The following GLI2 variants were observed in gnomAD, a reference collection of about 807,000 sequenced individuals.
The protein encoded by GLI2 is GLI family zinc finger 2.
GLI2 carries 22 observed loss-of-function variants against 78.9 expected under a neutral mutation model. The observed-to-expected ratio is 0.28, with a 90% CI of 0.20 to 0.40. The LOEUF is 0.40. GLI2 is among the 10% of genes least tolerant of loss of function. The pLI is 1.00. For missense variants in GLI2, 2,097 were observed against 2,213.2 expected, an observed-to-expected ratio of 0.95 and a Z score of 1.05; for synonymous variants, 974 against 963.7, an observed-to-expected ratio of 1.01 and a Z score of -0.20.
At chr2:120,981,633 A>G (rs1487082991) in intron 10 of GLI2, among the ~76,000 whole-genome samples, 1 of 152,164 alleles carries the variant, frequency 6.6e-6, no homozygotes, top group Non-Finnish European at 1.5e-5. Context: ...ACTGGTCAGG[A>G]ATAAAGGGGA....
chr2:120,938,690 C>T (rs913684807), intron 3 of GLI2, among the ~76,000 whole-genome samples: 11 of 152,182 alleles, frequency 7.2e-5, no homozygotes, highest in East Asian at 1.9e-4. Context: ...ATATGGGATG[C>T]GTGTTTGCTG....
At chr2:120,786,860 C>G (rs1684012166) in intron 1 of GLI2, among the ~76,000 whole-genome samples, 1 of 152,176 alleles carries the variant, frequency 6.6e-6, no homozygotes, top group Non-Finnish European at 1.5e-5. Flanking sequence ...GTCTCAGGGT[C>G]TAGAAGCTGC....
intron 3 of GLI2, among the ~76,000 whole-genome samples, chr2:120,928,166 C>T (rs915441837): frequency 1.3e-5 from 2 of 152,300 alleles, no homozygotes; most frequent in East Asian, 1.9e-4. Flanking sequence ...CACTGCTCCC[C>T]GCACCTGCCT....
At chr2:120,772,315 C>G (rs1424187282) in intron 1 of GLI2, among the ~76,000 whole-genome samples, 1 of 151,738 alleles carries the variant, frequency 6.6e-6, no homozygotes, top group African/African-American at 2.4e-5. Flanking sequence ...CCCTCCCCAT[C>G]TCCAGCTCCC....
rs1049346194 is a variant in GLI2, at chr2:120,869,326, C to T, written c.149-58035C>T. On this transcript the variant is annotated intron_variant, in intron 2 of 13. Coordinates refer to ENST00000361492, the MANE Select transcript of GLI2 (RefSeq NM_001374353.1). ...ACAAAGTGCCACTTGGTATAATGGG[C>T]ACAGCTCAGTCTTGGCTGTTCTTGA... Among the ~76,000 whole-genome samples the T allele has an allele frequency of 5.3e-5, 8 of 152,318 alleles. No individual in the cohort carries two copies. The East Asian group carries it at 1.2e-3, about 22-fold the overall frequency.
intron 2 of GLI2, among the ~76,000 whole-genome samples, chr2:120,923,531 A>G (rs1679504664): frequency 6.6e-6 from 1 of 152,034 alleles, no homozygotes; most frequent in African/African-American, 2.4e-5. Context: ...ATCCATGCAT[A>G]TGCACACAGC....
At chr2:120,779,932 G>C (rs1683788336) in intron 1 of GLI2, among the ~76,000 whole-genome samples, 1 of 152,238 alleles carries the variant, frequency 6.6e-6, no homozygotes, top group African/African-American at 2.4e-5. Context: ...GTGTTTGTGT[G>C]TGCGTATGTG....
At chr2:120,850,537 T>C (rs1203129255) in intron 2 of GLI2, among the ~76,000 whole-genome samples, 1 of 152,226 alleles carries the variant, frequency 6.6e-6, no homozygotes, top group Non-Finnish European at 1.5e-5. Flanking sequence ...TGTATATCTT[T>C]GGCCTTTACT....
intron 2 of GLI2, among the ~76,000 whole-genome samples, chr2:120,874,502 A>G (rs528214652): frequency 6.6e-6 from 1 of 152,190 alleles, no homozygotes; most frequent in Non-Finnish European, 1.5e-5. Context: ...CTGCGTCAGC[A>G]TTTGGGGAAA....
At chr2:120,757,524 T>C (rs1401757774) in intron 1 of GLI2, among the ~76,000 whole-genome samples, 1 of 152,242 alleles carries the variant, frequency 6.6e-6, no homozygotes, top group Non-Finnish European at 1.5e-5. Flanking sequence ...TTGTCTACAC[T>C]GGGCACTCTT....
At chr2:120,818,812 G>A (rs1406832476) in intron 2 of GLI2, among the ~76,000 whole-genome samples, 1 of 152,194 alleles carries the variant, frequency 6.6e-6, no homozygotes, top group African/African-American at 2.4e-5. Context: ...TGGTTAGCAT[G>A]TTACCAGGGC....
Position 120,988,769 on chromosome 2 carries a change from G to C in GLI2, c.2804G>C (p.Gly935Ala), listed in dbSNP as rs970835131. The part of the protein sequence containing the change: ...DGPTYGHGHA[G>A]AAPAFPHEAP... ...CCGACCTATGGCCACGGCCACGCGGGGGCTGCGCCCGCCTTCCCCCACGAG... is the reference window on the plus strand; with the variant it reads ...CCGACCTATGGCCACGGCCACGCGGCGGCTGCGCCCGCCTTCCCCCACGAG... Residue 935 changes from glycine (G) to alanine (A), a missense_variant, in exon 14 of 14, where the codon GGG (glycine) becomes GCG (alanine). By Grantham distance (60) the Gly-to-Ala change is moderately conservative. Around this residue, in one of 5 missense-constraint regions of GLI2, gnomAD observed 1,290 missense variants for 1,261.7 expected, o/e 1.02. Transcript: ENST00000361492. 6.6e-5 allele frequency: 86 copies of C among 1,294,796 alleles called. 1 individual carries two copies. The African/African-American group carries it at 1.3e-3, about 20-fold the overall frequency. 80.2% of individuals were successfully genotyped at this position (1,294,796 alleles called of 1,614,324 possible). A position where few individuals can be genotyped will look rare whatever the true frequency, so the allele number is the denominator to read the frequency against.
At chr2:120,902,419 A>T (rs1365658212) in intron 2 of GLI2, among the ~76,000 whole-genome samples, 1 of 152,174 alleles carries the variant, frequency 6.6e-6, no homozygotes, top group African/African-American at 2.4e-5. Context: ...CATCGGGTGT[A>T]GTGGGAGGGG....
intron 2 of GLI2, among the ~76,000 whole-genome samples, chr2:120,875,947 G>A (rs954658009): frequency 6.6e-6 from 1 of 152,198 alleles, no homozygotes; most frequent in African/African-American, 2.4e-5. Context: ...AACAAGGATG[G>A]CAGTTCAAAT....
intron 2 of GLI2, among the ~76,000 whole-genome samples, chr2:120,905,241 G>A (rs558002898): frequency 1.3e-5 from 2 of 152,214 alleles, no homozygotes; most frequent in South Asian, 4.2e-4. Flanking sequence ...AGGAGGAGGG[G>A]AGGGGAAGCC....
At chr2:120,914,492 C>G (rs1224627059) in intron 2 of GLI2, among the ~76,000 whole-genome samples, 2 of 152,246 alleles carry the variant, frequency 1.3e-5, no homozygotes, top group African/African-American at 4.8e-5. Context: ...GTGACCAAGA[C>G]AGAGTTTTCA....
chr2:120,911,255 C>G (rs146717851), intron 2 of GLI2, among the ~76,000 whole-genome samples: 149 of 152,380 alleles, frequency 9.8e-4, no homozygotes, highest in African/African-American at 3.5e-3. Flanking sequence ...GGGCAAGTTA[C>G]TGAACGCTCC....
rs145956507 is a variant in GLI2 at position 120,843,780 on chromosome 2, T to A, written c.148+46312T>A. Among the ~76,000 whole-genome samples, 1,142 of 152,238 alleles carry A rather than the reference T, an allele frequency of 7.5e-3. 18 individuals are homozygous for A. Among genetic ancestry groups the A allele is most frequent in the African/African-American group, 0.026 (1,074 of 41,524 alleles). Reference sequence around the variant, plus strand: ...CTCCCGGGTTGAAGTGATTATCCTGTCTCAGTCTCCCAAGTAGCTGGGATT... The same window carrying A: ...CTCCCGGGTTGAAGTGATTATCCTGACTCAGTCTCCCAAGTAGCTGGGATT... On this transcript the variant is annotated intron_variant, in intron 2 of 13. Transcript: ENST00000361492.
At chr2:120,893,286 T>A (rs914547704) in intron 2 of GLI2, among the ~76,000 whole-genome samples, 2 of 152,314 alleles carry the variant, frequency 1.3e-5, no homozygotes, top group African/African-American at 4.8e-5. Flanking sequence ...GCCCAGCCCC[T>A]GAAGGGAGAG....
Sources: gnomAD v4.1 joint callset for allele counts (sites outside exome capture counted in the v4.1 genomes callset) on GRCh38, gnomAD v4.1.1 for gene constraint, gnomAD v4.1.1 regional missense constraint, MANE v1.5 for transcripts, NCBI Gene and HGNC (gene_info 2026-07-23, HGNC 2026-07-21) for gene names.